DOT1L: variants seen among roughly 807,000 people sequenced by gnomAD.
The protein encoded by DOT1L is histone-lysine N-methyltransferase, H3 lysine-79 specific.
In DOT1L, 33 loss-of-function variants were observed where a neutral mutation model predicts 153.3. The observed-to-expected ratio is 0.22, with a 90% confidence interval of 0.16 to 0.29. DOT1L has a LOEUF of 0.29. Ranked by LOEUF, DOT1L falls within the 10% of genes least tolerant of loss-of-function variation. The pLI is 1.00. For missense variants in DOT1L, 1,847 were observed against 2,119.9 expected, an observed-to-expected ratio of 0.87 and a Z score of 2.53; for synonymous variants, 1,135 against 965.1, an observed-to-expected ratio of 1.18 and a Z score of -3.26.
Position 2,224,621 on chromosome 19 carries a change from C to T in DOT1L, c.3597-767C>T, listed in dbSNP as rs527819606. Among the ~76,000 whole-genome samples the T allele has an allele frequency of 9.9e-5, 15 of 152,156 alleles. No homozygotes were observed. In the East Asian group the frequency reaches 1.7e-3, roughly 18 times the overall value. On this transcript the variant is annotated intron_variant, in intron 25 of 27. Coordinates refer to ENST00000398665, the MANE Select transcript of DOT1L (RefSeq NM_032482.3). Reference sequence around the variant, plus strand: ...AGTTGTGTCTACAGGCACACGCTACCACCGTGCCTCGTTCGTTTTTTTGTT... The same window carrying T: ...AGTTGTGTCTACAGGCACACGCTACTACCGTGCCTCGTTCGTTTTTTTGTT...
chr19:2,179,451 A>G (rs985773796), intron 1 of DOT1L, among the ~76,000 whole-genome samples: 4 of 151,856 alleles, frequency 2.6e-5, no homozygotes, highest in Admixed American at 2.6e-4. Flanking sequence ...CGCGTCTGCA[A>G]CTCTTATTGC....
rs374424499 is a variant in DOT1L, at chr19:2,210,652, C to T, written c.1148C>T (p.Ala383Val). 12 of 1,612,688 alleles carry T rather than the reference C, an allele frequency of 7.4e-6. No homozygotes were observed. The African/African-American group carries it at 1.6e-4, about 22-fold the overall frequency. ...DSGAEEEKAG[A>V]ATVKKPSPSK... ...GGTGCTGAGGAAGAGAAGGCGGGAGCAGCCACCGTGAAGAAGCCGTCTCCC... is the reference window on the plus strand; with the variant it reads ...GGTGCTGAGGAAGAGAAGGCGGGAGTAGCCACCGTGAAGAAGCCGTCTCCC... The change falls in exon 14 of 28, where the codon GCA becomes GTA. Residue 383 changes from alanine (A) to valine (V), a missense_variant. This residue lies in a region of DOT1L where 205 missense variants were observed against 203.1 expected (regional missense o/e 1.01). Transcript: ENST00000398665.
At position 2,222,852 on chromosome 19, in the gene DOT1L, G is replaced by C; in HGVS notation, c.3390+293G>C. 2.3e-6 allele frequency: 1 copy of C among 429,408 alleles called. No homozygotes were observed. Among genetic ancestry groups the C allele is most frequent in the Non-Finnish European group, 4.1e-6 (1 of 242,636 alleles). The allele number at this position is 429,408 out of a possible 1,614,324, so 26.6% of individuals were successfully genotyped here. ...TGAACTGAGATCGGCCACTGCCTGG[G>C]CCACAGAGCGAGACTCCCTCTCGGG... On this transcript the variant is annotated intron_variant, in intron 24 of 27. Transcript: ENST00000398665. The surrounding 1 kb of genome is among the most constrained non-coding windows in gnomAD (Gnocchi z 6.5).
chr19:2,209,950 C>T (rs536572368), intron 12 of DOT1L, among the ~76,000 whole-genome samples: 33 of 152,310 alleles, frequency 2.2e-4, no homozygotes, highest in Admixed American at 8.5e-4. Flanking sequence ...TCCCGTGGGT[C>T]GCGCCCTCCA....
In DOT1L at chr19:2,226,967, G is replaced by A. The variant is rs753094042; in HGVS notation, c.4446G>A (p.Gln1482=). The change falls in exon 27 of 28, where the codon CAG becomes CAA. Residue 1482 remains glutamine, a synonymous_variant. Coordinates refer to ENST00000398665, the MANE Select transcript of DOT1L (RefSeq NM_032482.3). ...PQFALGPMSL[Q]ANLGSVAGSS... Reference sequence around the variant, plus strand: ...TCGCGCTCGGCCCCATGTCCCTGCAGGCCAACCTCGGCTCCGTGGCCGGCT... The same window carrying A: ...TCGCGCTCGGCCCCATGTCCCTGCAAGCCAACCTCGGCTCCGTGGCCGGCT... 3.1e-6 allele frequency: 5 copies of A among 1,591,228 alleles called. No homozygotes were observed. In the African/African-American group the frequency reaches 4.1e-5, roughly 13 times the overall value.
chr19:2,171,932 A>G (rs2021653172), intron 1 of DOT1L, among the ~76,000 whole-genome samples: 1 of 152,182 alleles, frequency 6.6e-6, no homozygotes, highest in African/African-American at 2.4e-5. Context: ...CATTGGAATC[A>G]CAGAAGTGAT....
chr19:2,170,625 A>G (rs756474131), intron 1 of DOT1L, among the ~76,000 whole-genome samples: 36 of 152,050 alleles, frequency 2.4e-4, no homozygotes, highest in Non-Finnish European at 4.4e-4. Flanking sequence ...CCCACTTTCC[A>G]TGCCAGTTAG....
chr19:2,186,060 GCCGTGGCCA>G, intron 3 of DOT1L, 131 bp downstream of exon 3: 1 of 864,854 alleles, frequency 1.2e-6, no homozygotes, highest in Non-Finnish European at 1.9e-6. Context: ...TTTAGAGTTG[GCCGTGGCCA>G]CCATAAAGTT....
chr19:2,218,142 G>A (rs1258899349), intron 22 of DOT1L, among the ~76,000 whole-genome samples: 1 of 152,236 alleles, frequency 6.6e-6, no homozygotes, highest in African/African-American at 2.4e-5. Flanking sequence ...CAAGTGGAGA[G>A]GGCCTCACAC....
rs971847529 is a variant in DOT1L, at chr19:2,231,053, A to G, written c.*1261A>G. The G allele has an allele frequency of 3.0e-5, 7 of 234,702 alleles. No homozygotes were observed. The highest frequency in any genetic ancestry group is 6.6e-5 in the African/African-American group (3 of 45,308). 14.5% of individuals were successfully genotyped at this position (234,702 alleles called of 1,614,324 possible). ...GGCGGGTGCCTGGGACTGGGTGTGG[A>G]AGGAGAGGAGCTGAGGCCGGGGTGT... On this transcript the variant is annotated 3_prime_UTR_variant, in exon 28 of 28. Transcript: ENST00000398665.
Position 2,214,006 on chromosome 19 carries a change from G to A in DOT1L, c.1797+20G>A, listed in dbSNP as rs2023811083. On this transcript the variant is annotated intron_variant, in intron 18 of 27. Coordinates refer to ENST00000398665, the MANE Select transcript of DOT1L (RefSeq NM_032482.3). ...CAGCTGGTGGGTGCCGCGGCGCAAG[G>A]ACAGGGACGTGGAACCAGAGGGGCC... The A allele has an allele frequency of 3.1e-6, 5 of 1,609,370 alleles. No individual in the cohort carries two copies. Among genetic ancestry groups the A allele is most frequent in the Non-Finnish European group, 3.4e-6 (4 of 1,178,138 alleles).
intron 1 of DOT1L, among the ~76,000 whole-genome samples, chr19:2,166,070 C>T (rs1599519873): frequency 6.7e-6 from 1 of 148,826 alleles, no homozygotes; most frequent in East Asian, 2.0e-4. Context: ...GCGCCCGGCC[C>T]ACATTTATAT....
At chr19:2,219,760 T>C (rs2024041703) in intron 22 of DOT1L, among the ~76,000 whole-genome samples, 1 of 152,128 alleles carries the variant, frequency 6.6e-6, no homozygotes, top group Admixed American at 6.5e-5. Context: ...CTGCTGGCAT[T>C]TGTGCTGCTT....
At position 2,222,472 on chromosome 19, in the gene DOT1L, A is replaced by T. The variant is rs34964618; in HGVS notation, c.3303A>T (p.Ala1101=). The T allele has an allele frequency of 2.8e-3, 4,530 of 1,603,386 alleles. 90 individuals carry two copies. In the African/African-American group the frequency reaches 0.05, roughly 18 times the overall value. The change falls in exon 24 of 28, where the codon GCA becomes GCT. Residue 1101 remains alanine, a synonymous_variant. Coordinates refer to ENST00000398665, the MANE Select transcript of DOT1L (RefSeq NM_032482.3). This position sits in a 1 kb window ranked among gnomAD's most constrained non-coding sequence, Gnocchi z 6.5. ...CTGCGGGGACGCCCAGCTTGAGCGC[A>T]GGCGTGTCCCCCAAGCGCCGAGCCC... is the stretch of plus-strand genomic sequence containing the variant. ...RASAGTPSLS[A]GVSPKRRALP... is the part of the protein sequence containing the mutation.
rs764142793 is a variant in DOT1L at position 2,210,698 on chromosome 19, G to A, written c.1194G>A (p.Lys398=). The A allele has an allele frequency of 1.9e-6, 3 of 1,613,222 alleles. No homozygotes were observed. Among genetic ancestry groups the A allele is most frequent in the Non-Finnish European group, 1.7e-6 (2 of 1,179,998 alleles). ...KPSPSKARKK[K]LNKKGRKMAG... ...CTCCCTCCAAAGCCCGCAAGAAGAA[G>A]CTAAACAAGAAGGGGAGGAAGATGG... Residue 398 remains lysine, a synonymous_variant, in exon 14 of 28, where the codon AAG becomes AAA. Transcript: ENST00000398665.
At chr19:2,202,804 G>A in intron 9 of DOT1L, 25 bp downstream of exon 9, 3 of 1,613,806 alleles carry the variant, frequency 1.9e-6, no homozygotes, top group South Asian at 1.1e-5. Context: ...TCGCCGGTCT[G>A]TGCTGGTGTG....
intron 26 of DOT1L, among the ~76,000 whole-genome samples, chr19:2,225,953 G>A (rs903525765): frequency 4.9e-4 from 75 of 152,018 alleles, no homozygotes; most frequent in African/African-American, 1.6e-3. Flanking sequence ...ATCCAGTCCC[G>A]TCCCCTGCCA....
At position 2,180,302 on chromosome 19, in the gene DOT1L, C is replaced by T. The variant is rs371496017; in HGVS notation, c.82-411C>T. ...GCTGGAGCAGCGTCGGGAGAATTCC[C>T]GGTGGGCCTGCGGAGCGCGGTCTGA... is the stretch of plus-strand genomic sequence containing the variant. On this transcript the variant is annotated intron_variant, in intron 1 of 27. Transcript: ENST00000398665. Among the ~76,000 whole-genome samples the T allele has an allele frequency of 2.5e-3, 385 of 152,292 alleles. 1 individual carries two copies. The highest frequency in any genetic ancestry group is 4.2e-3 in the Non-Finnish European group (288 of 68,020).
At chr19:2,201,478 TC>T (rs2023279855) in intron 8 of DOT1L, among the ~76,000 whole-genome samples, 1 of 152,172 alleles carries the variant, frequency 6.6e-6, no homozygotes, top group Admixed American at 6.5e-5. Flanking sequence ...TGGTTGAGTG[TC>T]CCCCATGGGC....
Sources: gnomAD v4.1 joint callset for allele counts (sites outside exome capture counted in the v4.1 genomes callset) on GRCh38, gnomAD v4.1.1 for gene constraint, gnomAD v4.1.1 regional missense constraint, Gnocchi (gnomAD v3.1) non-coding constraint, MANE v1.5 for transcripts, NCBI Gene and HGNC (gene_info 2026-07-23, HGNC 2026-07-21) for gene names.